Variants in CHD9 observed in about 807,000 individuals in gnomAD.
CHD9 encodes ATP-dependent chromatin remodeler CHD9.
CHD9 carries 77 observed loss-of-function variants against 316.1 expected under a neutral mutation model. That is an observed-to-expected ratio of 0.24 (90% CI 0.20 to 0.29). The LOEUF (loss-of-function observed/expected upper bound fraction) is 0.29. CHD9 is among the 10% of genes least tolerant of loss of function. The pLI is 1.00. For synonymous variants in CHD9, 1,129 were observed against 1,158.3 expected (o/e 0.97, Z 0.51); for missense variants, 2,763 against 3,438.1 (o/e 0.80, Z 4.91).
At chr16:53,181,281 G>GTAAT (rs35943156) in intron 2 of CHD9, among the ~76,000 whole-genome samples, 1 of 152,106 alleles carries the variant, frequency 6.6e-6, no homozygotes, top group African/African-American at 2.4e-5. Flanking sequence ...ATAGTGCTGG[G>GTAAT]ATTATAGATG....
intron 1 of CHD9, among the ~76,000 whole-genome samples, chr16:53,132,587 T>G (rs2039404998): frequency 6.6e-6 from 1 of 152,198 alleles, no homozygotes; most frequent in South Asian, 2.1e-4. Flanking sequence ...TTGTTTTTGT[T>G]TTTTGCAATG....
intron 2 of CHD9, among the ~76,000 whole-genome samples, chr16:53,161,595 G>C (rs957580666): frequency 6.6e-6 from 1 of 152,036 alleles, no homozygotes; most frequent in East Asian, 1.9e-4. Context: ...TAATTTTTTA[G>C]TTTATGAAAA....
rs77792252 is a variant in CHD9, at chr16:53,234,202, T to C, written c.2512-983T>C. Among the ~76,000 whole-genome samples, 193 of 152,332 alleles carry C rather than the reference T, an allele frequency of 1.3e-3. 2 individuals carry two copies. In the East Asian group the frequency reaches 0.03, roughly 24 times the overall value. ...CAATGTTTGCACATTGATCTTGTAT[T>C]ATGCAACCTCGCTAAAATTACTGCT... On this transcript the variant is annotated intron_variant, in intron 10 of 38. Transcript: ENST00000447540.
chr16:53,079,759 G>T (rs556956488), intron 1 of CHD9, among the ~76,000 whole-genome samples: 1 of 152,298 alleles, frequency 6.6e-6, no homozygotes, highest in African/African-American at 2.4e-5. Flanking sequence ...AATGAGATTT[G>T]AGGAGCATCT....
chr16:53,138,321 C>CA (rs997806518), intron 1 of CHD9, among the ~76,000 whole-genome samples: 2 of 152,076 alleles, frequency 1.3e-5, no homozygotes, highest in Non-Finnish European at 2.9e-5. Flanking sequence ...TTGAATTTCT[C>CA]AAAGATTTGA....
chr16:53,321,413 G>A, intron 37 of CHD9, 113 bp from the exon 38 acceptor site: 1 of 1,379,084 alleles, frequency 7.3e-7, no homozygotes, highest in Non-Finnish European at 9.4e-7. Context: ...TACCTAAGGT[G>A]GTTCAAAAAA....
chr16:53,259,554 C>G (rs2050905839), intron 19 of CHD9, among the ~76,000 whole-genome samples: 1 of 152,136 alleles, frequency 6.6e-6, no homozygotes, highest in Non-Finnish European at 1.5e-5. Context: ...CTCTGTCACT[C>G]AAGCTGGAGT....
intron 2 of CHD9, among the ~76,000 whole-genome samples, chr16:53,172,151 ACC>A (rs1331274547): frequency 2.6e-5 from 4 of 151,936 alleles, no homozygotes; most frequent in Non-Finnish European, 5.9e-5. Flanking sequence ...CATACTCATT[ACC>A]CCCAAAAGTT....
intron 30 of CHD9, among the ~76,000 whole-genome samples, chr16:53,302,785 C>T (rs1277540297): frequency 2.0e-5 from 3 of 152,052 alleles, no homozygotes; most frequent in African/African-American, 7.2e-5. Flanking sequence ...CAGATTGTTC[C>T]ATATTTGGCA....
intron 29 of CHD9, among the ~76,000 whole-genome samples, chr16:53,296,358 T>C (rs1343461800): frequency 6.6e-6 from 1 of 152,058 alleles, no homozygotes; most frequent in Non-Finnish European, 1.5e-5. Flanking sequence ...GAAGGAATAG[T>C]GTATACTTTT....
At chr16:53,130,553 G>A (rs1008822410) in intron 1 of CHD9, among the ~76,000 whole-genome samples, 6 of 149,638 alleles carry the variant, frequency 4.0e-5, no homozygotes, top group African/African-American at 1.5e-4. Flanking sequence ...CGGGGCTGCC[G>A]GGGGAGCCCG....
At position 53,314,423 on chromosome 16, in the gene CHD9, C is replaced by T; in HGVS notation, c.7269C>T (p.Asp2423=). Residue 2423 remains aspartate, a synonymous_variant, in exon 35 of 39, where the codon GAC becomes GAT. Coordinates refer to ENST00000447540, the MANE Select transcript of CHD9 (RefSeq NM_001308319.2). ...PTLGANGVIL[D]NQPIVKKRRG... ...TTGGTGCCAATGGTGTGATATTAGA[C>T]AACCAGCCTATAGTCAAAAAAAGGC... 1 of 1,588,932 alleles carries T rather than the reference C, an allele frequency of 6.3e-7. No individual in the cohort carries two copies. The highest frequency in any genetic ancestry group is 8.6e-7 in the Non-Finnish European group (1 of 1,166,384).
chr16:53,122,381 CA>C (rs926680517), intron 1 of CHD9, among the ~76,000 whole-genome samples: 1 of 152,132 alleles, frequency 6.6e-6, no homozygotes, highest in Non-Finnish European at 1.5e-5. Context: ...AGTGCCACTA[CA>C]ACAATCTTCA....
At chr16:53,288,791 TCCCTTGAGAATTTGTAAC>T (rs1199221195) in intron 27 of CHD9, among the ~76,000 whole-genome samples, 2 of 152,120 alleles carry the variant, frequency 1.3e-5, no homozygotes, top group Non-Finnish European at 2.9e-5. Flanking sequence ...AATTATTGTT[TCCCTTGAGAATTTGTAAC>T]CATAGACCCA....
chr16:53,102,363 A>T (rs1465901901), intron 1 of CHD9, among the ~76,000 whole-genome samples: 9 of 151,924 alleles, frequency 5.9e-5, no homozygotes, highest in East Asian at 5.8e-4. Flanking sequence ...GTCTAATAAT[A>T]ATTATTATTA....
At chr16:53,179,627 T>C (rs2043341564) in intron 2 of CHD9, among the ~76,000 whole-genome samples, 1 of 152,184 alleles carries the variant, frequency 6.6e-6, no homozygotes, top group African/African-American at 2.4e-5. Context: ...CCAGGCACAG[T>C]GGCTCAAGCC....
intron 1 of CHD9, among the ~76,000 whole-genome samples, chr16:53,142,248 T>C (rs1426078789): frequency 6.6e-6 from 1 of 152,204 alleles, no homozygotes; most frequent in African/African-American, 2.4e-5. Context: ...GTACTTACTA[T>C]GTTTTAGGAC....
At chr16:53,072,527 C>T (rs2034178459) in intron 1 of CHD9, among the ~76,000 whole-genome samples, 1 of 151,040 alleles carries the variant, frequency 6.6e-6, no homozygotes, top group Admixed American at 6.6e-5. Context: ...CACCTCACCC[C>T]ACCCCACCAT....
intron 1 of CHD9, among the ~76,000 whole-genome samples, chr16:53,117,590 A>AT (rs1321845736): frequency 1.3e-5 from 2 of 150,410 alleles, no homozygotes; most frequent in Non-Finnish European, 1.5e-5. Flanking sequence ...AATTTTTTGT[A>AT]TTTTTAGTAG....
Sources: allele counts gnomAD v4.1 joint callset (sites outside exome capture counted in the v4.1 genomes callset), GRCh38; gene constraint gnomAD v4.1.1; transcripts MANE v1.5; gene names NCBI Gene and HGNC (gene_info 2026-07-23, HGNC 2026-07-21).